Variants in NOS1 observed in about 807,000 individuals in gnomAD.
NOS1 encodes NOS type I.
NOS1 carries 51 observed loss-of-function variants against 164.5 expected under a neutral mutation model. The observed-to-expected ratio is 0.31, with a 90% CI of 0.25 to 0.39. NOS1 has a LOEUF of 0.39. Among genes scored for constraint, NOS1 ranks in the 10% least tolerant of loss-of-function variants. NOS1 has a pLI of 1.00. For missense variants in NOS1, 1,362 were observed against 1,885.6 expected (o/e 0.72, Z 5.14); for synonymous variants, 719 against 745.8 (o/e 0.96, Z 0.59).
chr12:117,327,338 C>A (rs1875303895), intron 2 of NOS1, among the ~76,000 whole-genome samples: 1 of 152,196 alleles, frequency 6.6e-6, no homozygotes, highest in African/African-American at 2.4e-5. Flanking sequence ...GGGAGGGACA[C>A]TTCCCAAAGC....
At chr12:117,332,680 C>A (rs1314381674) in intron 1 of NOS1, among the ~76,000 whole-genome samples, 1 of 152,174 alleles carries the variant, frequency 6.6e-6, no homozygotes, top group Non-Finnish European at 1.5e-5. Flanking sequence ...GCCTGGCCAA[C>A]ATGGTGAAAC....
chr12:117,261,335 CCT>C lies in NOS1; in HGVS notation c.2223-728_2223-727del, dbSNP rs370613475. On this transcript the variant is annotated intron_variant, in intron 13 of 28. Coordinates refer to ENST00000317775, the MANE Select transcript of NOS1 (RefSeq NM_000620.5). ...TCAAAAGATGATCGTTCATCCATTT[CCT>C]CTCTCTTTCATTCATCAAATATTTA... 2.7e-4 allele frequency among the ~76,000 whole-genome samples: 41 copies of C among 152,156 alleles called. No individual in the cohort carries two copies. The East Asian group carries it at 3.9e-3, about 14-fold the overall frequency.
chr12:117,263,688 A>G (rs1463474050), intron 13 of NOS1, among the ~76,000 whole-genome samples: 2 of 151,648 alleles, frequency 1.3e-5, no homozygotes, highest in Admixed American at 6.6e-5. Context: ...GTGTGAGGAA[A>G]GTGAGGCTGA....
intron 3 of NOS1, among the ~76,000 whole-genome samples, chr12:117,293,316 C>T (rs1873183127): frequency 6.6e-6 from 1 of 152,142 alleles, no homozygotes. Flanking sequence ...CTCCTCAGTG[C>T]CGGGCGCTAC....
In NOS1 at chr12:117,208,481, C is replaced by T. The variant is rs1355552601; in HGVS notation, c.*6828G>A. The T allele has an allele frequency of 4.6e-5, 58 of 1,263,412 alleles. No individual in the cohort carries two copies. Among genetic ancestry groups the T allele is most frequent in the South Asian group, 4.4e-4 (34 of 78,042 alleles). 78.3% of individuals were successfully genotyped at this position (1,263,412 alleles called of 1,614,324 possible). On this transcript the variant is annotated 3_prime_UTR_variant, in exon 29 of 29. Transcript: ENST00000317775. The stretch of plus-strand genomic sequence containing the variant: ...CTTCCCAAGCCCGGAACGGACACTG[C>T]GACGTGGGGTGCCCGGCACCGCTCT...
Position 117,218,142 on chromosome 12 carries a change from T to G in NOS1, c.4193A>C (p.Asp1398Ala). 6.2e-7 allele frequency: 1 copy of G among 1,613,916 alleles called. No homozygotes were observed. Among genetic ancestry groups the G allele is most frequent in the Non-Finnish European group, 8.5e-7 (1 of 1,179,856 alleles). The part of the protein sequence containing the change: ...RMRDDNRYHE[D>A]IFGVTLRTYE... ...CGTTCGCAGGGTGACTCCAAAAATA[T>G]CCTCATGGTATCGGTTGTCATCCTA... Residue 1398 changes from aspartate to alanine, a missense_variant, in exon 28 of 29, where the codon GAT becomes GCT. Coordinates refer to ENST00000317775, the MANE Select transcript of NOS1 (RefSeq NM_000620.5).
At chr12:117,321,570 C>T (rs1305986111) in intron 2 of NOS1, among the ~76,000 whole-genome samples, 1 of 152,042 alleles carries the variant, frequency 6.6e-6, no homozygotes, top group Admixed American at 6.6e-5. Context: ...GGGTACAAAG[C>T]GAGAGTAATC....
intron 20 of NOS1, among the ~76,000 whole-genome samples, chr12:117,240,582 GT>G (rs1352031308): frequency 2.0e-5 from 3 of 152,234 alleles, no homozygotes; most frequent in African/African-American, 7.2e-5. Flanking sequence ...AGTCACTTGT[GT>G]TTTCTAGCTG....
chr12:117,231,275 G>A (rs1010254680), intron 22 of NOS1, among the ~76,000 whole-genome samples: 29 of 151,442 alleles, frequency 1.9e-4, no homozygotes, highest in African/African-American at 5.8e-4. Context: ...CCGAGATTGC[G>A]CCACGGCACT....
chr12:117,280,639 A>T (rs893019514), intron 8 of NOS1, 86 bp downstream of exon 8: 67 of 1,383,622 alleles, frequency 4.8e-5, no homozygotes, highest in Non-Finnish European at 6.4e-5. Flanking sequence ...ATCTCCTGTG[A>T]TGATAGCATT....
At chr12:117,307,994 A>AAATAATAATAATAATAATAATAATAAT in intron 3 of NOS1, among the ~76,000 whole-genome samples, 1 of 149,844 alleles carries the variant, frequency 6.7e-6, no homozygotes, top group South Asian at 2.2e-4. Flanking sequence ...GTCTCACAAT[A>AAATAATAATAATAATAATAATAATAAT]AATAATAATA....
At chr12:117,269,861 G>C (rs1232988470) in intron 10 of NOS1, among the ~76,000 whole-genome samples, 1 of 152,166 alleles carries the variant, frequency 6.6e-6, no homozygotes, top group East Asian at 1.9e-4. Context: ...CCCCAGAGTG[G>C]TCATGACCTA....
intron 28 of NOS1, 35 bp from the exon 29 acceptor site, chr12:117,215,359 C>A: frequency 6.7e-7 from 1 of 1,502,282 alleles, no homozygotes; most frequent in Non-Finnish European, 8.9e-7. Context: ...AGTTAGTGCC[C>A]CAAGGGCAAG....
chr12:117,221,130 T>TTTTTTTTATTTATTTATTTA (rs1555247741), intron 26 of NOS1, among the ~76,000 whole-genome samples: 2 of 146,028 alleles, frequency 1.4e-5, no homozygotes, highest in African/African-American at 2.6e-5. Context: ...TTAAATTTAT[T>TTTTTTTTATTTATTTATTTA]TTTATTTATT....
intron 4 of NOS1, among the ~76,000 whole-genome samples, chr12:117,289,343 AGTG>A (rs1484969269): frequency 6.6e-6 from 1 of 152,236 alleles, no homozygotes; most frequent in African/African-American, 2.4e-5. Context: ...AGAATCCACC[AGTG>A]GTTCTCAAAC....
chr12:117,281,071 C>A (rs1275010784), intron 7 of NOS1, among the ~76,000 whole-genome samples: 3 of 152,008 alleles, frequency 2.0e-5, no homozygotes, highest in Non-Finnish European at 4.4e-5. Context: ...GTGAGGAAAA[C>A]GGTGGAGGGG....
chr12:117,298,179 C>G lies in NOS1; in HGVS notation c.853-7753G>C, dbSNP rs570179485. Reference sequence around the variant, plus strand: ...GTTTTCTGCAACTAGATGGTCCCATCTGGGGGAGATGGGAGACAGTGACAG... The same window carrying G: ...GTTTTCTGCAACTAGATGGTCCCATGTGGGGGAGATGGGAGACAGTGACAG... On this transcript the variant is annotated intron_variant, in intron 3 of 28. Transcript: ENST00000317775. 1.3e-4 allele frequency among the ~76,000 whole-genome samples: 19 copies of G among 151,998 alleles called. No homozygotes were observed. In the East Asian group the frequency reaches 2.3e-3, roughly 19 times the overall value.
At chr12:117,247,067 C>T (rs530800002) in intron 18 of NOS1, among the ~76,000 whole-genome samples, 82 of 152,168 alleles carry the variant, frequency 5.4e-4, no homozygotes, top group Non-Finnish European at 5.3e-4. Context: ...ATGGGAGTGA[C>T]GGATGGCTTC....
chr12:117,336,401 C>G (rs1197507209), intron 1 of NOS1, among the ~76,000 whole-genome samples: 1 of 152,174 alleles, frequency 6.6e-6, no homozygotes, highest in Non-Finnish European at 1.5e-5. Context: ...CAACATGGAC[C>G]AGCCATAGCT....
Sources: allele counts gnomAD v4.1 joint callset (sites outside exome capture counted in the v4.1 genomes callset), GRCh38; gene constraint gnomAD v4.1.1; transcripts MANE v1.5; gene names NCBI Gene and HGNC (gene_info 2026-07-23, HGNC 2026-07-21).